Variants in CFAP276 observed in about 807,000 individuals in gnomAD.
CFAP276 encodes cilia- and flagella-associated protein 276.
chr1:109,106,547 G>C, the CFAP276 span: 2 of 1,613,924 alleles, frequency 1.2e-6, no homozygotes, highest in Non-Finnish European at 1.7e-6. Flanking sequence ...ATGGATCCTT[G>C]GATGCTGTGG....
the CFAP276 span, among the ~76,000 whole-genome samples, chr1:109,108,402 C>G: frequency 6.6e-6 from 1 of 152,318 alleles, no homozygotes; most frequent in Non-Finnish European, 1.5e-5. Context: ...CTCAGCCTCC[C>G]AAAGTGCTCA....
the CFAP276 span, among the ~76,000 whole-genome samples, chr1:109,113,163 G>A: frequency 4.3e-4 from 66 of 152,216 alleles, no homozygotes; most frequent in East Asian, 0.011. Context: ...GCGGAGGCGG[G>A]CGGATCGCTT....
At chr1:109,107,097 C>T in the CFAP276 span, 712 of 1,614,134 alleles carry the variant, frequency 4.4e-4, 3 homozygotes, top group East Asian at 0.013. Context: ...GGCTGCTAAG[C>T]GGAAGTCCAG....
the CFAP276 span, among the ~76,000 whole-genome samples, chr1:109,110,327 TCCCATA>T: frequency 6.6e-6 from 1 of 152,098 alleles, no homozygotes; most frequent in Admixed American, 6.5e-5. Context: ...CACTCACCAT[TCCCATA>T]CCCTCTTTAG....
At chr1:109,106,985 A>G in the CFAP276 span, 1 of 1,566,552 alleles carries the variant, frequency 6.4e-7, no homozygotes, top group South Asian at 1.1e-5. Flanking sequence ...TAGGCTGGAG[A>G]GGCTCTGCCT....
chr1:109,113,728 A>C, the CFAP276 span: 1 of 1,603,856 alleles, frequency 6.2e-7, no homozygotes, highest in Non-Finnish European at 8.5e-7. Context: ...AGATGCTCAT[A>C]AAATAACCCC....
chr1:109,107,562 A>G, the CFAP276 span, among the ~76,000 whole-genome samples: 1 of 152,184 alleles, frequency 6.6e-6, no homozygotes, highest in African/African-American at 2.4e-5. Context: ...AAGGAAAAGT[A>G]CTGAAGCAGT....
the CFAP276 span, among the ~76,000 whole-genome samples, chr1:109,113,278 A>G: frequency 6.6e-6 from 1 of 152,026 alleles, no homozygotes; most frequent in South Asian, 2.1e-4. Flanking sequence ...CCGTAGTCCC[A>G]GCTACTCGGG....
chr1:109,109,532 C>T, the CFAP276 span, among the ~76,000 whole-genome samples: 1 of 140,800 alleles, frequency 7.1e-6, no homozygotes, highest in African/African-American at 2.8e-5. Flanking sequence ...GTGAGCCATA[C>T]CTTTTTTTTT....
the CFAP276 span, chr1:109,107,151 G>T: frequency 3.2e-6 from 5 of 1,559,386 alleles, no homozygotes; most frequent in Non-Finnish European, 4.4e-6. Flanking sequence ...CCCAAGGTTA[G>T]CTCAGCCACC....
the CFAP276 span, among the ~76,000 whole-genome samples, chr1:109,111,762 T>C: frequency 6.6e-6 from 1 of 152,222 alleles, no homozygotes; most frequent in African/African-American, 2.4e-5. Flanking sequence ...CTCCCTCACC[T>C]GGCCTACCTA....
At chr1:109,113,421 A>AGGGAGGGAGG in the CFAP276 span, among the ~76,000 whole-genome samples, 1 of 51,782 alleles carries the variant, frequency 1.9e-5, no homozygotes, top group African/African-American at 5.8e-5. Flanking sequence ...AGAGAAAGAG[A>AGGGAGGGAGG]GAGAGAGAGA....
the CFAP276 span, chr1:109,112,512 C>T: frequency 1.3e-6 from 2 of 1,512,876 alleles, no homozygotes; most frequent in African/African-American, 2.8e-5. Flanking sequence ...CACCAGAGTC[C>T]TTTATGTTAC....
At chr1:109,108,073 TATACGGGAAGCC>T in the CFAP276 span, 1 of 1,441,216 alleles carries the variant, frequency 6.9e-7, no homozygotes, top group Non-Finnish European at 9.8e-7. Flanking sequence ...ACAACCTGGT[TATACGGGAAGCC>T]TTGCTGATGT....
the CFAP276 span, among the ~76,000 whole-genome samples, chr1:109,108,987 C>T: frequency 4.0e-4 from 61 of 152,134 alleles, no homozygotes; most frequent in Non-Finnish European, 7.9e-4. Flanking sequence ...AATAAAACTC[C>T]ACAGGCATGA....
At chr1:109,109,208 G>A in the CFAP276 span, among the ~76,000 whole-genome samples, 1 of 152,106 alleles carries the variant, frequency 6.6e-6, no homozygotes, top group South Asian at 2.1e-4. Context: ...CAGCACTTTG[G>A]GAGGCTGAGG....
chr1:109,110,679 C>T, the CFAP276 span, among the ~76,000 whole-genome samples: 2 of 152,184 alleles, frequency 1.3e-5, no homozygotes, highest in African/African-American at 2.4e-5. Context: ...CCTTCCATGG[C>T]TTCAACTACC....
chr1:109,107,826 C>G, the CFAP276 span: 2 of 1,015,276 alleles, frequency 2.0e-6, no homozygotes, highest in African/African-American at 1.6e-5. Flanking sequence ...TACGGTAAAC[C>G]ATGATCAGGC....
chr1:109,106,528 C>A, the CFAP276 span: 5 of 1,613,620 alleles, frequency 3.1e-6, no homozygotes, highest in Non-Finnish European at 4.2e-6. Context: ...AGTCCTCTAA[C>A]CCTTACCTAT....
Sources: allele counts gnomAD v4.1 joint callset (sites outside exome capture counted in the v4.1 genomes callset), GRCh38; gene constraint gnomAD v4.1.1; transcripts MANE v1.5; gene names NCBI Gene and HGNC (gene_info 2026-07-23, HGNC 2026-07-21).